Variants in COX10 observed in about 807,000 individuals in gnomAD.
The protein encoded by COX10 is protoheme IX farnesyltransferase, mitochondrial.
A neutral mutation model predicts 37.3 loss-of-function variants in COX10; 27 were observed. The observed-to-expected ratio is 0.72, with a 90% CI of 0.53 to 1.00. The LOEUF (loss-of-function observed/expected upper bound fraction) is 1.00. Among genes scored for constraint, COX10 ranks in the 50% least tolerant of loss-of-function variants. COX10 has a pLI of 0.00. For missense variants in COX10, 475 were observed against 563.2 expected (o/e 0.84, Z 1.59); for synonymous variants, 222 against 229.1 (o/e 0.97, Z 0.28).
intron 3 of COX10, among the ~76,000 whole-genome samples, chr17:14,098,296 C>T (rs1303921548): frequency 6.6e-6 from 1 of 152,122 alleles, no homozygotes. Context: ...GTCTCCTTTT[C>T]CCTCAAATTC....
Position 14,193,800 on chromosome 17 carries a change from C to T in COX10, c.928+1579C>T, listed in dbSNP as rs553844700. ...GACCCCAATTCCCTCTCCCCCTTAA[C>T]GCAACTGTCCTCTTCCCTCTTATTT... On this transcript the variant is annotated intron_variant, in intron 6 of 6. Coordinates refer to ENST00000261643, the MANE Select transcript of COX10 (RefSeq NM_001303.4). Among the ~76,000 whole-genome samples the T allele has an allele frequency of 4.8e-4, 71 of 149,112 alleles. 1 individual carries two copies. The highest frequency in any genetic ancestry group is 1.4e-3 in the East Asian group (7 of 5,176).
At chr17:14,099,842 C>T (rs1170389321) in intron 3 of COX10, among the ~76,000 whole-genome samples, 1 of 152,006 alleles carries the variant, frequency 6.6e-6, no homozygotes, top group Non-Finnish European at 1.5e-5. Flanking sequence ...CCTGGATGTC[C>T]CACGGTTTCT....
intron 4 of COX10, among the ~76,000 whole-genome samples, chr17:14,158,056 A>G (rs541702017): frequency 1.3e-5 from 2 of 152,170 alleles, no homozygotes; most frequent in African/African-American, 4.8e-5. Context: ...GGTCATTATG[A>G]CCCAAGTGTG....
At chr17:14,123,811 A>C (rs888455135) in intron 4 of COX10, among the ~76,000 whole-genome samples, 2 of 152,198 alleles carry the variant, frequency 1.3e-5, no homozygotes, top group African/African-American at 4.8e-5. Context: ...AGGGCTACCA[A>C]TATGAGAACA....
rs113558718 is a variant in COX10 at position 14,147,725 on chromosome 17, C to T, written c.625-12152C>T. ...GATGTGACTATTATACATTGCATGACGGTATCAGAATATCTCATGTACCCC... is the reference window on the plus strand; with the variant it reads ...GATGTGACTATTATACATTGCATGATGGTATCAGAATATCTCATGTACCCC... On this transcript the variant is annotated intron_variant, in intron 4 of 6. Transcript: ENST00000261643. 3.4e-5 allele frequency among the ~76,000 whole-genome samples: 5 copies of T among 148,458 alleles called. 1 individual carries two copies. Among genetic ancestry groups the T allele is most frequent in the African/African-American group, 1.1e-4 (4 of 38,066 alleles).
intron 4 of COX10, among the ~76,000 whole-genome samples, chr17:14,109,573 A>G (rs1246340841): frequency 6.6e-6 from 1 of 152,210 alleles, no homozygotes; most frequent in Non-Finnish European, 1.5e-5. Flanking sequence ...GAAGAAGAAA[A>G]TGAAGCTTAA....
In COX10 at chr17:14,193,291, C is replaced by T. The variant is rs567176677; in HGVS notation, c.928+1070C>T. Among the ~76,000 whole-genome samples, 124 of 152,322 alleles carry T rather than the reference C, an allele frequency of 8.1e-4. 1 individual carries two copies. Among genetic ancestry groups the T allele is most frequent in the Middle Eastern group, 3.4e-3 (1 of 294 alleles). On this transcript the variant is annotated intron_variant, in intron 6 of 6. Coordinates refer to ENST00000261643, the MANE Select transcript of COX10 (RefSeq NM_001303.4). ...AGCTGAACTCAGCCTCTTTCTGCCA[C>T]TGTCTCCTCATCTCCCACATGGGGC...
chr17:14,184,718 A>T (rs1383756279), intron 5 of COX10, among the ~76,000 whole-genome samples: 1 of 152,228 alleles, frequency 6.6e-6, no homozygotes, highest in African/African-American at 2.4e-5. Context: ...ATGCCAAGAG[A>T]TATATAATGA....
rs747287045 is a variant in COX10, at chr17:14,076,846, T to C, written c.289T>C (p.Tyr97His). Residue 97 changes from tyrosine (Y) to histidine (H), a missense_variant, in exon 3 of 7, where the codon TAT becomes CAT. Coordinates refer to ENST00000261643, the MANE Select transcript of COX10 (RefSeq NM_001303.4). ...TSSGQAKAEI[Y>H]EMRPLSPPSL... Reference sequence around the variant, plus strand: ...TTCAGGTCAAGCCAAAGCAGAAATATATGAGATGAGACCTCTCTCACCGCC... The same window carrying C: ...TTCAGGTCAAGCCAAAGCAGAAATACATGAGATGAGACCTCTCTCACCGCC... The C allele has an allele frequency of 4.3e-6, 7 of 1,614,148 alleles. No homozygotes were observed. The highest frequency in any genetic ancestry group is 2.7e-5 in the African/African-American group (2 of 75,026).
At chr17:14,155,302 T>G in intron 4 of COX10, among the ~76,000 whole-genome samples, 1 of 145,484 alleles carries the variant, frequency 6.9e-6, no homozygotes, top group African/African-American at 2.6e-5. Context: ...TGAGACACAT[T>G]GAGTTTGTGA....
chr17:14,162,821 G>A (rs1477286374), intron 5 of COX10, among the ~76,000 whole-genome samples: 1 of 152,184 alleles, frequency 6.6e-6, no homozygotes, highest in Non-Finnish European at 1.5e-5. Flanking sequence ...AGTTAGGTGC[G>A]ATGAAGGCAT....
chr17:14,105,789 A>G (rs774036179), intron 4 of COX10, among the ~76,000 whole-genome samples: 8 of 152,092 alleles, frequency 5.3e-5, no homozygotes, highest in Non-Finnish European at 7.4e-5. Context: ...TGTAGTGCCT[A>G]TATCTCACCA....
At position 14,207,477 on chromosome 17, in the gene COX10, C is replaced by A; in HGVS notation, c.*264C>A. The stretch of plus-strand genomic sequence containing the variant: ...TCTTTATACATCTCTCCTCCAACCC[C>A]ACCCTCTATTCTGTTTCTTCCTCCT... On this transcript the variant is annotated 3_prime_UTR_variant, in exon 7 of 7. Coordinates refer to ENST00000261643, the MANE Select transcript of COX10 (RefSeq NM_001303.4). 2.2e-6 allele frequency: 1 copy of A among 462,776 alleles called. No homozygotes were observed. 28.7% of individuals were successfully genotyped at this position (462,776 alleles called of 1,614,324 possible). A position where few individuals can be genotyped will look rare whatever the true frequency, so the allele number is the denominator to read the frequency against.
intron 4 of COX10, among the ~76,000 whole-genome samples, chr17:14,102,705 T>A (rs1915811852): frequency 6.6e-6 from 1 of 152,176 alleles, no homozygotes; most frequent in South Asian, 2.1e-4. Context: ...GTTAACTTGG[T>A]ATATGGAATA....
At chr17:14,077,224 C>G in intron 3 of COX10, 168 bp downstream of exon 3, 1 of 647,742 alleles carries the variant, frequency 1.5e-6, no homozygotes. Context: ...TTTCTGAATT[C>G]TATTTACACA....
chr17:14,202,223 C>CT (rs66479644), intron 6 of COX10, among the ~76,000 whole-genome samples: 100,720 of 140,050 alleles, frequency 0.72, 36,717 homozygotes, highest in Non-Finnish European at 0.8. Flanking sequence ...GTGGCAACAA[C>CT]TTTTTTTTTT....
chr17:14,081,558 C>G (rs1319889508), intron 3 of COX10, among the ~76,000 whole-genome samples: 1 of 152,148 alleles, frequency 6.6e-6, no homozygotes, highest in East Asian at 1.9e-4. Context: ...GAGTCAGATT[C>G]TAAAGTCAGA....
At chr17:14,076,085 A>G (rs1051987336) in intron 2 of COX10, among the ~76,000 whole-genome samples, 6 of 148,566 alleles carry the variant, frequency 4.0e-5, no homozygotes, top group African/African-American at 9.8e-5. Context: ...TGGAAAGTCA[A>G]CAGGTTGACT....
At chr17:14,157,011 C>G (rs1905055782) in intron 4 of COX10, among the ~76,000 whole-genome samples, 1 of 152,148 alleles carries the variant, frequency 6.6e-6, no homozygotes, top group Non-Finnish European at 1.5e-5. Context: ...GCAGCCATAG[C>G]AATACTAAGG....
Sources: gnomAD v4.1 joint callset for allele counts (sites outside exome capture counted in the v4.1 genomes callset) on GRCh38, gnomAD v4.1.1 for gene constraint, MANE v1.5 for transcripts, NCBI Gene and HGNC (gene_info 2026-07-23, HGNC 2026-07-21) for gene names.